The following NRG1 variants were observed in gnomAD, a reference collection of about 807,000 sequenced individuals.
The protein encoded by NRG1 is pro-neuregulin-1, membrane-bound isoform.
NRG1 carries 18 observed loss-of-function variants against 63.8 expected under a neutral mutation model. The observed-to-expected ratio is 0.28, with a 90% confidence interval of 0.19 to 0.42. NRG1 has a LOEUF of 0.42. Ranked by LOEUF, NRG1 falls within the 10% of genes least tolerant of loss-of-function variation. The pLI is 1.00. For synonymous variants in NRG1, 302 were observed against 301.3 expected (o/e 1.00, Z -0.02); for missense variants, 762 against 814.7 (o/e 0.94, Z 0.79).
chr8:32,468,203 T>C (rs1331448823), intron 1 of NRG1, among the ~76,000 whole-genome samples: 1 of 152,096 alleles, frequency 6.6e-6, no homozygotes. Context: ...ACCTACTCTT[T>C]GAGATAGAAA....
chr8:31,977,787 T>C (rs1015497626), intron 1 of NRG1, among the ~76,000 whole-genome samples: 11 of 152,140 alleles, frequency 7.2e-5, no homozygotes, highest in African/African-American at 2.2e-4. Context: ...CTCAAAGAGT[T>C]TGAACAACAG....
At chr8:31,678,326 CT>C (rs1292861403) in intron 1 of NRG1, among the ~76,000 whole-genome samples, 2 of 152,070 alleles carry the variant, frequency 1.3e-5, no homozygotes, top group Non-Finnish European at 2.9e-5. Flanking sequence ...TTGAAACACT[CT>C]GAGATGTCCT....
At chr8:31,835,198 CA>C (rs1175616037) in intron 1 of NRG1, among the ~76,000 whole-genome samples, 4 of 152,124 alleles carry the variant, frequency 2.6e-5, no homozygotes, top group African/African-American at 9.7e-5. Flanking sequence ...ACGCATTTTA[CA>C]AAACAGGACT....
intron 1 of NRG1, among the ~76,000 whole-genome samples, chr8:32,093,210 T>G (rs1829437022): frequency 1.3e-5 from 2 of 152,142 alleles, no homozygotes; most frequent in African/African-American, 4.8e-5. Flanking sequence ...ACATGTGCTG[T>G]GTTGACTCAA....
intron 1 of NRG1, among the ~76,000 whole-genome samples, chr8:31,736,022 A>C (rs1814628057): frequency 6.6e-6 from 1 of 152,156 alleles, no homozygotes; most frequent in African/African-American, 2.4e-5. Context: ...GACTGTAGTC[A>C]AAAGTCATAC....
At chr8:32,591,272 G>A (rs557139638) in intron 1 of NRG1, among the ~76,000 whole-genome samples, 62 of 152,286 alleles carry the variant, frequency 4.1e-4, no homozygotes, top group African/African-American at 1.5e-3. Context: ...GTAGCTGTGA[G>A]CTTTTCCACA....
chr8:31,820,415 A>G (rs548329896), intron 1 of NRG1, among the ~76,000 whole-genome samples: 1 of 152,302 alleles, frequency 6.6e-6, no homozygotes, highest in Non-Finnish European at 1.5e-5. Context: ...TTTCATGAGC[A>G]TATGGCTCCA....
intron 1 of NRG1, among the ~76,000 whole-genome samples, chr8:32,116,041 G>A (rs1237887751): frequency 6.6e-6 from 1 of 152,112 alleles, no homozygotes; most frequent in Non-Finnish European, 1.5e-5. Context: ...CCCATTTAGA[G>A]CTTTAGTGTT....
intron 1 of NRG1, among the ~76,000 whole-genome samples, chr8:32,585,164 C>T (rs73586692): frequency 0.02 from 3,056 of 152,052 alleles, 110 homozygotes; most frequent in African/African-American, 0.07. Context: ...TTCTGTTTAA[C>T]ATTTTGGAAG....
chr8:32,773,064 T>G (rs189249488), intron 7 of NRG1, among the ~76,000 whole-genome samples: 2 of 152,198 alleles, frequency 1.3e-5, no homozygotes, highest in African/African-American at 4.8e-5. Context: ...TCAAAAGTTC[T>G]GAAGTCGGAA....
chr8:32,394,834 G>A (rs577872578), intron 1 of NRG1, among the ~76,000 whole-genome samples: 1 of 152,228 alleles, frequency 6.6e-6, no homozygotes, highest in East Asian at 1.9e-4. Context: ...ATTTTTACGG[G>A]GTGACAAAGC....
intron 1 of NRG1, among the ~76,000 whole-genome samples, chr8:31,662,205 G>C (rs144083653): frequency 4.2e-4 from 64 of 152,282 alleles, no homozygotes; most frequent in African/African-American, 1.4e-3. Flanking sequence ...GGGCATGGAG[G>C]AGGTTTCCAA....
intron 1 of NRG1, among the ~76,000 whole-genome samples, chr8:31,697,616 A>C (rs1397048358): frequency 2.6e-5 from 4 of 152,166 alleles, no homozygotes; most frequent in Non-Finnish European, 5.9e-5. Flanking sequence ...CGGGTCAGGA[A>C]AGCAGAGGAG....
intron 1 of NRG1, among the ~76,000 whole-genome samples, chr8:32,270,891 AT>A (rs1851472243): frequency 6.6e-6 from 1 of 152,150 alleles, no homozygotes; most frequent in African/African-American, 2.4e-5. Context: ...ATTTATCATT[AT>A]AAAGTAGATC....
At chr8:32,040,074 T>C (rs1481706856) in intron 1 of NRG1, among the ~76,000 whole-genome samples, 1 of 152,104 alleles carries the variant, frequency 6.6e-6, no homozygotes, top group Non-Finnish European at 1.5e-5. Flanking sequence ...TTTCTAGTCA[T>C]GACTTTATTC....
chr8:32,373,122 G>A (rs902684846), intron 1 of NRG1, among the ~76,000 whole-genome samples: 11 of 152,144 alleles, frequency 7.2e-5, no homozygotes, highest in Non-Finnish European at 1.3e-4. Flanking sequence ...TGATTCAAGG[G>A]AAAGGGGAGA....
chr8:31,896,631 G>C (rs981380842), intron 1 of NRG1, among the ~76,000 whole-genome samples: 1 of 152,194 alleles, frequency 6.6e-6, no homozygotes, highest in Non-Finnish European at 1.5e-5. Flanking sequence ...CCACTTCCAG[G>C]TTTCTGATTC....
chr8:32,080,190 T>G (rs1827237019), intron 1 of NRG1, among the ~76,000 whole-genome samples: 1 of 152,180 alleles, frequency 6.6e-6, no homozygotes, highest in African/African-American at 2.4e-5. Flanking sequence ...GCAATCATGG[T>G]GGGAGAAAAG....
chr8:32,426,520 C>A (rs1698948150), intron 1 of NRG1, among the ~76,000 whole-genome samples: 1 of 152,106 alleles, frequency 6.6e-6, no homozygotes, highest in Non-Finnish European at 1.5e-5. Context: ...AACAAAAGAA[C>A]TTCAGGTTGA....
Sources: allele counts gnomAD v4.1 joint callset (sites outside exome capture counted in the v4.1 genomes callset), GRCh38; gene constraint gnomAD v4.1.1; transcripts MANE v1.5; gene names NCBI Gene and HGNC (gene_info 2026-07-23, HGNC 2026-07-21).